The following NDUFAF2 variants were observed in gnomAD, a reference collection of about 807,000 sequenced individuals.
The protein encoded by NDUFAF2 is NADH:ubiquinone oxidoreductase complex assembly factor 2.
NDUFAF2 carries 13 observed loss-of-function variants against 22.8 expected under a neutral mutation model. That is an observed-to-expected ratio of 0.57 (90% CI 0.37 to 0.91). The LOEUF (loss-of-function observed/expected upper bound fraction) is 0.91. Among genes scored for constraint, NDUFAF2 ranks in the 40% least tolerant of loss-of-function variants. The pLI, the probability that NDUFAF2 is intolerant of heterozygous loss-of-function variation, is 0.01. For missense variants in NDUFAF2, 162 were observed against 195.2 expected (o/e 0.83, Z 1.01); for synonymous variants, 53 against 64.2 (o/e 0.83, Z 0.84).
intron 1 of NDUFAF2, among the ~76,000 whole-genome samples, chr5:60,994,619 T>G (rs1414140400): frequency 6.6e-6 from 1 of 152,184 alleles, no homozygotes; most frequent in Admixed American, 6.5e-5. Context: ...TTAGGATCCT[T>G]TCTTTATCCC....
Position 61,052,321 on chromosome 5 carries a change from T to C in NDUFAF2, c.128-20804T>C, listed in dbSNP as rs1241718518. On this transcript the variant is annotated intron_variant, in intron 1 of 3. Coordinates refer to ENST00000296597, the MANE Select transcript of NDUFAF2 (RefSeq NM_174889.5). The stretch of plus-strand genomic sequence containing the variant: ...AATTATATTTGTTATTTTCTCTTTT[T>C]TTCTTTTGAGACGGAGTCTTGCTCT... 5.3e-5 allele frequency among the ~76,000 whole-genome samples: 8 copies of C among 152,344 alleles called. No individual in the cohort carries two copies. In the East Asian group the frequency reaches 1.4e-3, roughly 26 times the overall value.
At chr5:61,112,995 T>C (rs993577596) in intron 3 of NDUFAF2, among the ~76,000 whole-genome samples, 5 of 152,020 alleles carry the variant, frequency 3.3e-5, no homozygotes, top group African/African-American at 7.2e-5. Flanking sequence ...AACTTAACAC[T>C]GATTGCATAA....
intron 3 of NDUFAF2, among the ~76,000 whole-genome samples, chr5:61,111,400 T>C (rs7735610): frequency 0.046 from 7,039 of 152,168 alleles, 556 homozygotes; most frequent in African/African-American, 0.16. Context: ...TTTCCAGTAC[T>C]TAAAGTGGGA....
intron 1 of NDUFAF2, among the ~76,000 whole-genome samples, chr5:61,010,778 C>T (rs73759454): frequency 0.017 from 2,600 of 152,228 alleles, 80 homozygotes; most frequent in African/African-American, 0.059. Flanking sequence ...TCACTACATT[C>T]GCTCTTTTCT....
chr5:60,959,532 TC>T (rs1045704732), intron 1 of NDUFAF2, among the ~76,000 whole-genome samples: 6 of 152,090 alleles, frequency 3.9e-5, no homozygotes, highest in Admixed American at 3.9e-4. Context: ...TTTAGTTTTT[TC>T]AATAGTAAGT....
At chr5:60,975,297 G>A (rs529602785) in intron 1 of NDUFAF2, among the ~76,000 whole-genome samples, 5 of 152,134 alleles carry the variant, frequency 3.3e-5, no homozygotes, top group African/African-American at 7.2e-5. Flanking sequence ...TCAAGTGAGC[G>A]AAAGAAAGGA....
At chr5:60,975,815 A>G (rs1750894767) in intron 1 of NDUFAF2, among the ~76,000 whole-genome samples, 1 of 152,208 alleles carries the variant, frequency 6.6e-6, no homozygotes, top group African/African-American at 2.4e-5. Context: ...TTTTTTAACA[A>G]GAAGGGAGGG....
At chr5:61,114,337 T>C (rs1042959668) in intron 3 of NDUFAF2, 5 of 152,218 alleles carry the variant, frequency 3.3e-5, no homozygotes, top group Non-Finnish European at 7.3e-5. Context: ...TTCTTCAGTA[T>C]GTCAATTGCA....
At chr5:61,005,498 G>T (rs563830347) in intron 1 of NDUFAF2, among the ~76,000 whole-genome samples, 64 of 152,160 alleles carry the variant, frequency 4.2e-4, no homozygotes, top group East Asian at 2.3e-3. Flanking sequence ...TTCTAGATCC[G>T]TGAGGAATTG....
chr5:61,037,596 A>G (rs899774908), intron 1 of NDUFAF2, among the ~76,000 whole-genome samples: 1 of 152,212 alleles, frequency 6.6e-6, no homozygotes, highest in Non-Finnish European at 1.5e-5. Context: ...GATGTATGCA[A>G]TGTGTATTCA....
chr5:61,027,726 A>T (rs1751670144), intron 1 of NDUFAF2, among the ~76,000 whole-genome samples: 2 of 151,934 alleles, frequency 1.3e-5, no homozygotes, highest in Admixed American at 1.3e-4. Flanking sequence ...AAAATATATT[A>T]GCTTAACTAT....
intron 1 of NDUFAF2, among the ~76,000 whole-genome samples, chr5:61,052,068 T>A (rs906502788): frequency 2.0e-5 from 3 of 152,136 alleles, no homozygotes; most frequent in South Asian, 2.1e-4. Flanking sequence ...TTACTTATTT[T>A]AAAAAAATCA....
chr5:60,951,297 C>T (rs1750544702), intron 1 of NDUFAF2, among the ~76,000 whole-genome samples: 1 of 152,158 alleles, frequency 6.6e-6, no homozygotes, highest in South Asian at 2.1e-4. Flanking sequence ...TCCCAAAGTG[C>T]TGGGATTACA....
intron 1 of NDUFAF2, among the ~76,000 whole-genome samples, chr5:60,972,203 A>C (rs1304139769): frequency 1.3e-5 from 2 of 149,718 alleles, no homozygotes; most frequent in African/African-American, 4.9e-5. Flanking sequence ...GGCCTCCCAA[A>C]GTGCTGAGAT....
At chr5:61,001,660 TAA>T (rs1015888237) in intron 1 of NDUFAF2, among the ~76,000 whole-genome samples, 1 of 152,150 alleles carries the variant, frequency 6.6e-6, no homozygotes, top group Admixed American at 6.6e-5. Flanking sequence ...GATAACTTAA[TAA>T]ATAAAAAGTC....
At chr5:60,998,976 A>C (rs1751262632) in intron 1 of NDUFAF2, among the ~76,000 whole-genome samples, 1 of 152,008 alleles carries the variant, frequency 6.6e-6, no homozygotes, top group Admixed American at 6.6e-5. Flanking sequence ...TTCCTATGGT[A>C]GAGAAAATGG....
intron 1 of NDUFAF2, among the ~76,000 whole-genome samples, chr5:61,040,302 G>A (rs1179710331): frequency 1.4e-5 from 2 of 146,368 alleles, no homozygotes; most frequent in African/African-American, 5.0e-5. Context: ...GCGCGCGCGC[G>A]AAAGTTGAAA....
intron 1 of NDUFAF2, among the ~76,000 whole-genome samples, chr5:61,061,605 A>C (rs1301201777): frequency 6.6e-6 from 1 of 152,034 alleles, no homozygotes; most frequent in African/African-American, 2.4e-5. Flanking sequence ...AGAGCAATAG[A>C]CCATGGCTTA....
At chr5:61,064,132 T>C (rs1455419027) in intron 1 of NDUFAF2, among the ~76,000 whole-genome samples, 2 of 152,064 alleles carry the variant, frequency 1.3e-5, no homozygotes, top group African/African-American at 2.4e-5. Flanking sequence ...AGTGAAAAAC[T>C]ATTGCAAGAA....
Sources: allele counts gnomAD v4.1 joint callset (sites outside exome capture counted in the v4.1 genomes callset), GRCh38; gene constraint gnomAD v4.1.1; transcripts MANE v1.5; gene names NCBI Gene and HGNC (gene_info 2026-07-23, HGNC 2026-07-21).